Variants in SULF1 observed in about 807,000 individuals in gnomAD.
SULF1 encodes extracellular sulfatase Sulf-1.
SULF1 carries 46 observed loss-of-function variants against 110.5 expected under a neutral mutation model. That is an observed-to-expected ratio of 0.42 (90% CI 0.33 to 0.53). The LOEUF is 0.53. Ranked by LOEUF, SULF1 falls within the 20% of genes least tolerant of loss-of-function variation. The pLI, the probability that SULF1 is intolerant of heterozygous loss-of-function variation, is 0.12. For missense variants in SULF1, 941 were observed against 1,094.2 expected (o/e 0.86, Z 1.98); for synonymous variants, 371 against 387.1 (o/e 0.96, Z 0.49).
chr8:69,562,630 G>T (rs547448189), intron 3 of SULF1, among the ~76,000 whole-genome samples: 2 of 152,128 alleles, frequency 1.3e-5, no homozygotes, highest in Non-Finnish European at 2.9e-5. Flanking sequence ...AGTGAGAGGG[G>T]CATTTTTCCA....
In SULF1 at chr8:69,621,047, A is replaced by C. The variant is rs1809555883; in HGVS notation, c.1390A>C (p.Ile464Leu). 1 of 1,609,410 alleles carries C rather than the reference A, an allele frequency of 6.2e-7. No homozygotes were observed. ...CEQPGQKWQCIEDTSGKLRIH... is the reference protein window; with the variant it reads ...CEQPGQKWQCLEDTSGKLRIH... ...TTGGCTTTTGCAGAAGTGGCAATGC[A>C]TTGAGGATACATCTGGCAAGCTTCG... The change falls in exon 14 of 23, where the codon ATT becomes CTT. Residue 464 changes from isoleucine to leucine, a missense_variant. Around this residue, in one of 3 missense-constraint regions of SULF1, gnomAD observed 822 missense variants for 934.3 expected, o/e 0.88. Transcript: ENST00000402687.
At position 69,629,481 on chromosome 8, in the gene SULF1, A is replaced by G. The variant is rs1810352279; in HGVS notation, c.2109-23A>G. The G allele has an allele frequency of 1.9e-6, 3 of 1,597,492 alleles. No homozygotes were observed. In the East Asian group the frequency reaches 6.7e-5, roughly 36 times the overall value. ...GAGAAAGTGCCTTCTGAACACTCAA[A>G]ATAATCCCTTCTCTTGGAACAGGGA... is the stretch of plus-strand genomic sequence containing the variant. On this transcript the variant is annotated intron_variant, in intron 18 of 22. Coordinates refer to ENST00000402687, the MANE Select transcript of SULF1 (RefSeq NM_001128205.2).
At chr8:69,503,139 CTTCTCT>C (rs1165270312) in intron 3 of SULF1, among the ~76,000 whole-genome samples, 9 of 152,210 alleles carry the variant, frequency 5.9e-5, no homozygotes, top group Admixed American at 3.3e-4. Flanking sequence ...TTTTATCCAG[CTTCTCT>C]TTCTAATACT....
chr8:69,644,435 T>C (rs1310477932), intron 22 of SULF1, among the ~76,000 whole-genome samples: 1 of 151,272 alleles, frequency 6.6e-6, no homozygotes, highest in Non-Finnish European at 1.5e-5. Context: ...CCAAAGCGTG[T>C]TAGTATATTT....
In SULF1 at chr8:69,546,394, A is replaced by G. The variant is rs997040117; in HGVS notation, c.-133-17145A>G. Among the ~76,000 whole-genome samples, 4 of 152,302 alleles carry G rather than the reference A, an allele frequency of 2.6e-5. No homozygotes were observed. The South Asian group carries it at 8.3e-4, about 32-fold the overall frequency. Reference sequence around the variant, plus strand: ...CCGTGGTCAGGCAAAGCTATGATTCAAGCTGAGGTGAATTTCCAGGAATGC... The same window carrying G: ...CCGTGGTCAGGCAAAGCTATGATTCGAGCTGAGGTGAATTTCCAGGAATGC... On this transcript the variant is annotated intron_variant, in intron 3 of 22. Coordinates refer to ENST00000402687, the MANE Select transcript of SULF1 (RefSeq NM_001128205.2).
intron 22 of SULF1, 25 bp from the exon 23 acceptor site, chr8:69,658,480 T>A (rs1266979632): frequency 2.6e-6 from 4 of 1,546,288 alleles, no homozygotes; most frequent in South Asian, 2.5e-5. Flanking sequence ...CCACTAATGA[T>A]TCACCTTCTT....
At chr8:69,510,018 A>T (rs1243656565) in intron 3 of SULF1, among the ~76,000 whole-genome samples, 2 of 152,378 alleles carry the variant, frequency 1.3e-5, no homozygotes, top group Middle Eastern at 3.4e-3. Context: ...GTGACAGACA[A>T]TAATTCTGAC....
chr8:69,477,583 A>G (rs1235498599), intron 1 of SULF1, among the ~76,000 whole-genome samples: 1 of 152,220 alleles, frequency 6.6e-6, no homozygotes, highest in African/African-American at 2.4e-5. Context: ...TAAGCACACT[A>G]TTAGCAATGA....
rs2130672235 is a variant in SULF1, at chr8:69,638,657, A to G, written c.2427+13A>G. 6.2e-7 allele frequency: 1 copy of G among 1,612,300 alleles called. No individual in the cohort carries two copies. Among genetic ancestry groups the G allele is most frequent in the Non-Finnish European group, 8.5e-7 (1 of 1,179,400 alleles). On this transcript the variant is annotated intron_variant, in intron 20 of 22. Coordinates refer to ENST00000402687, the MANE Select transcript of SULF1 (RefSeq NM_001128205.2). ...AGATCCTTATCAGGTAAGACAATAT[A>G]TGTTCATTTTATGAAGGTTGTTGAA...
Position 69,640,834 on chromosome 8 carries a change from C to G in SULF1, c.2578C>G (p.Leu860Val), listed in dbSNP as rs554512980. Residue 860 changes from leucine to valine, a missense_variant, in exon 22 of 23, where the codon CTA becomes GTA. By Grantham distance (32) the Leu-to-Val change is conservative (BLOSUM62 1). Transcript: ENST00000402687. ...VGNKDGGSYD[L>V]HRGQLWDGWE... ...AAATAAAGATGGAGGAAGCTATGAC[C>G]TACACAGGTATTCACACTTTTTTAT... 25 of 1,610,268 alleles carry G rather than the reference C, an allele frequency of 1.6e-5. No individual in the cohort carries two copies. The highest frequency in any genetic ancestry group is 2.7e-5 in the African/African-American group (2 of 74,690).
chr8:69,628,871 A>C (rs1246736352), intron 18 of SULF1, among the ~76,000 whole-genome samples: 4 of 152,208 alleles, frequency 2.6e-5, no homozygotes, highest in African/African-American at 9.6e-5. Flanking sequence ...TGCCAAAAAA[A>C]TGAGCCATTT....
intron 3 of SULF1, among the ~76,000 whole-genome samples, chr8:69,529,454 T>C (rs962201520): frequency 6.6e-6 from 1 of 152,242 alleles, no homozygotes; most frequent in South Asian, 2.1e-4. Context: ...TAGAAACTTA[T>C]TGTATTAATT....
At chr8:69,596,790 T>C (rs557284105) in intron 8 of SULF1, among the ~76,000 whole-genome samples, 1 of 152,284 alleles carries the variant, frequency 6.6e-6, no homozygotes, top group Non-Finnish European at 1.5e-5. Flanking sequence ...TCAGAGTTGC[T>C]GCAACAATCA....
At chr8:69,538,807 CT>C in intron 3 of SULF1, among the ~76,000 whole-genome samples, 1 of 152,258 alleles carries the variant, frequency 6.6e-6, no homozygotes, top group African/African-American at 2.4e-5. Flanking sequence ...ATTCTCCTAC[CT>C]CAGCCTCCCG....
chr8:69,538,913 G>A (rs180961917), intron 3 of SULF1, among the ~76,000 whole-genome samples: 2 of 152,262 alleles, frequency 1.3e-5, no homozygotes, highest in Non-Finnish European at 2.9e-5. Flanking sequence ...AGCTGGTCTC[G>A]AACTGCTGAC....
rs368170844 is a variant in SULF1 at position 69,640,849 on chromosome 8, C to T, written c.2585+8C>T. ...AAGCTATGACCTACACAGGTATTCA[C>T]ACTTTTTTATTCTTCTCAACAGCTT... On this transcript the variant is annotated splice_region_variant and intron_variant, in intron 22 of 22. Coordinates refer to ENST00000402687, the MANE Select transcript of SULF1 (RefSeq NM_001128205.2). The T allele has an allele frequency of 1.2e-6, 2 of 1,608,686 alleles. No homozygotes were observed. The highest frequency in any genetic ancestry group is 1.1e-5 in the South Asian group (1 of 89,922).
intron 13 of SULF1, among the ~76,000 whole-genome samples, chr8:69,619,216 A>T (rs1809407868): frequency 6.6e-6 from 1 of 152,204 alleles, no homozygotes; most frequent in Non-Finnish European, 1.5e-5. Flanking sequence ...GAACAAAAAC[A>T]ATAAAGGATA....
In SULF1 at chr8:69,601,827, A is replaced by G; in HGVS notation, c.1059A>G (p.Ser353=). 1 of 1,606,336 alleles carries G rather than the reference A, an allele frequency of 6.2e-7. No homozygotes were observed. Among genetic ancestry groups the G allele is most frequent in the Non-Finnish European group, 8.5e-7 (1 of 1,176,194 alleles). The part of the protein sequence containing the change: ...FIRGPSVEPG[S]IVPQIVLNID... ...GTGGTCCAAGTGTAGAACCAGGATC[A>G]ATGTACGTATTTCTCTGTTTGCAAC... is the stretch of plus-strand genomic sequence containing the variant. Residue 353 remains serine (S), a splice_region_variant and synonymous_variant, in exon 10 of 23, where the codon TCA becomes TCG. Coordinates refer to ENST00000402687, the MANE Select transcript of SULF1 (RefSeq NM_001128205.2).
Position 69,659,294 on chromosome 8 carries a change from GCGC to G in SULF1, c.*761_*763del. The G allele has an allele frequency of 2.3e-6, 1 of 430,864 alleles. No individual in the cohort carries two copies. The highest frequency in any genetic ancestry group is 2.6e-5 in the Admixed American group (1 of 38,276). The allele number at this position is 430,864 out of a possible 1,614,324, so 26.7% of individuals were successfully genotyped here. A position where few individuals can be genotyped will look rare whatever the true frequency, so the allele number is the denominator to read the frequency against. On this transcript the variant is annotated 3_prime_UTR_variant, in exon 23 of 23. Coordinates refer to ENST00000402687, the MANE Select transcript of SULF1 (RefSeq NM_001128205.2). ...GAGAAGTCACAGCACCTAGAAGGCA[GCGC>G]CTCCTCTTCACTCTCCTCTGATTAG...
Sources: allele counts gnomAD v4.1 joint callset (sites outside exome capture counted in the v4.1 genomes callset), GRCh38; gene constraint gnomAD v4.1.1; regional missense constraint gnomAD v4.1.1; transcripts MANE v1.5; gene names NCBI Gene and HGNC (gene_info 2026-07-23, HGNC 2026-07-21).